Variants in MDGA2 observed in about 807,000 individuals in gnomAD.
MDGA2 encodes the protein MAM domain-containing glycosylphosphatidylinositol anchor protein 2.
In MDGA2, 40 loss-of-function variants were observed where a neutral mutation model predicts 117.8. That is an observed-to-expected ratio of 0.34 (90% CI 0.26 to 0.44). The LOEUF is 0.44. Ranked by LOEUF, MDGA2 falls within the 20% of genes least tolerant of loss-of-function variation. The probability of loss-of-function intolerance (pLI) is 1.00; values close to 1 mark genes in which losing one functional copy is unlikely to be tolerated. For synonymous variants in MDGA2, 452 were observed against 439.0 expected, an observed-to-expected ratio of 1.03 and a Z score of -0.37; for missense variants, 1,123 against 1,250.6, an observed-to-expected ratio of 0.90 and a Z score of 1.54.
intron 2 of MDGA2, among the ~76,000 whole-genome samples, chr14:47,273,044 G>T (rs1888198543): frequency 6.6e-6 from 1 of 152,022 alleles, no homozygotes; most frequent in African/African-American, 2.4e-5. Context: ...GCTGGCCACG[G>T]GTTGGATCTC....
chr14:47,005,856 T>C (rs1006924506), intron 8 of MDGA2, among the ~76,000 whole-genome samples: 3 of 151,704 alleles, frequency 2.0e-5, no homozygotes, highest in Non-Finnish European at 4.4e-5. Context: ...GTATGTTTTA[T>C]AAGCCACGTG....
intron 1 of MDGA2, among the ~76,000 whole-genome samples, chr14:47,566,241 T>C (rs1895916718): frequency 6.6e-6 from 1 of 152,170 alleles, no homozygotes; most frequent in Non-Finnish European, 1.5e-5. Context: ...TGGTAAGGTA[T>C]GGTCTGCTAG....
chr14:47,159,849 A>G (rs1407380948), intron 3 of MDGA2, among the ~76,000 whole-genome samples: 1 of 151,650 alleles, frequency 6.6e-6, no homozygotes, highest in Non-Finnish European at 1.5e-5. Context: ...TATTATGGAG[A>G]ATCTTTTGGT....
rs1594996353 is a variant in MDGA2 at position 46,854,966 on chromosome 14, C to T, written c.2883+58G>A. ...TCATATTTTAATATTTGCTCAAGAT[C>T]CACCTTTAATATTATGCTCATTTAC... On this transcript the variant is annotated intron_variant, in intron 15 of 16. Coordinates refer to ENST00000399232, the MANE Select transcript of MDGA2 (RefSeq NM_001113498.3). 13 of 1,369,348 alleles carry T rather than the reference C, an allele frequency of 9.5e-6. No homozygotes were observed. In the East Asian group the frequency reaches 3.0e-4, roughly 32 times the overall value. The allele number at this position is 1,369,348 out of a possible 1,614,324, so 84.8% of individuals were successfully genotyped here. A position where few individuals can be genotyped will look rare whatever the true frequency, so the allele number is the denominator to read the frequency against.
intron 2 of MDGA2, among the ~76,000 whole-genome samples, chr14:47,226,929 C>CT (rs34128764): frequency 6.6e-6 from 1 of 152,056 alleles, no homozygotes; most frequent in Non-Finnish European, 1.5e-5. Flanking sequence ...AAAGTTCTCC[C>CT]TTTTTCCTTC....
At chr14:47,211,105 A>G (rs1273270033) in intron 3 of MDGA2, among the ~76,000 whole-genome samples, 1 of 152,184 alleles carries the variant, frequency 6.6e-6, no homozygotes, top group Non-Finnish European at 1.5e-5. Flanking sequence ...ATTATGACAT[A>G]ATTAACAGTC....
At chr14:46,858,915 C>A (rs1364029985) in intron 14 of MDGA2, among the ~76,000 whole-genome samples, 3 of 152,124 alleles carry the variant, frequency 2.0e-5, no homozygotes, top group Admixed American at 1.3e-4. Flanking sequence ...CAGCTGTAAT[C>A]TTTCTCAGAA....
intron 1 of MDGA2, among the ~76,000 whole-genome samples, chr14:47,671,617 T>C (rs937584901): frequency 1.1e-4 from 16 of 152,236 alleles, no homozygotes; most frequent in African/African-American, 3.9e-4. Flanking sequence ...ACTTTGTGTG[T>C]AGTATGAATG....
intron 2 of MDGA2, among the ~76,000 whole-genome samples, chr14:47,220,147 C>A (rs61995422): frequency 0.19 from 29,550 of 152,030 alleles, 2,989 homozygotes; most frequent in Middle Eastern, 0.23. Context: ...GAAATAAATA[C>A]TGAAATAAAA....
intron 9 of MDGA2, among the ~76,000 whole-genome samples, chr14:46,952,039 T>C (rs775423477): frequency 3.2e-4 from 48 of 151,932 alleles, no homozygotes; most frequent in Non-Finnish European, 6.5e-4. Flanking sequence ...ACAATAGTAA[T>C]GGTGCATAGT....
chr14:47,093,016 A>G (rs776514354), intron 6 of MDGA2, among the ~76,000 whole-genome samples: 2 of 152,056 alleles, frequency 1.3e-5, no homozygotes, highest in Non-Finnish European at 2.9e-5. Flanking sequence ...GAAGCTTTAT[A>G]TAGAGAAGAT....
In MDGA2 at chr14:46,843,262, C is replaced by A. The variant is rs376021736; in HGVS notation, c.2990-1243G>T. 1.3e-3 allele frequency among the ~76,000 whole-genome samples: 195 copies of A among 152,228 alleles called. 2 individuals are homozygous for A. Among genetic ancestry groups the A allele is most frequent in the African/African-American group, 4.5e-3 (186 of 41,564 alleles). ...TTTTATCAGTTATGCTTTCTTTCTGCACTAGGGAGTAAATAATTTCCTTTG... is the reference window on the plus strand; with the variant it reads ...TTTTATCAGTTATGCTTTCTTTCTGAACTAGGGAGTAAATAATTTCCTTTG... On this transcript the variant is annotated intron_variant, in intron 16 of 16. Transcript: ENST00000399232.
At chr14:46,920,869 A>G (rs1027698463) in intron 9 of MDGA2, among the ~76,000 whole-genome samples, 10 of 152,216 alleles carry the variant, frequency 6.6e-5, no homozygotes, top group African/African-American at 2.2e-4. Flanking sequence ...AATAAAGTGA[A>G]CTTAATAAAA....
chr14:46,851,541 A>G (rs559092394), intron 15 of MDGA2, among the ~76,000 whole-genome samples: 4 of 152,062 alleles, frequency 2.6e-5, no homozygotes, highest in African/African-American at 9.6e-5. Context: ...TTTTCAGCTA[A>G]GCAAACTAAT....
At chr14:47,067,438 TG>T (rs1309460355) in intron 6 of MDGA2, among the ~76,000 whole-genome samples, 8 of 152,150 alleles carry the variant, frequency 5.3e-5, no homozygotes, top group Admixed American at 2.0e-4. Context: ...ATCAGCAAGG[TG>T]TGACTCTCTA....
At chr14:47,418,334 C>T (rs924938042) in intron 1 of MDGA2, among the ~76,000 whole-genome samples, 2 of 152,044 alleles carry the variant, frequency 1.3e-5, no homozygotes, top group African/African-American at 2.4e-5. Flanking sequence ...GATCTGCCCG[C>T]CTTGGCCTCC....
At chr14:47,298,016 G>A (rs1429135107) in intron 2 of MDGA2, among the ~76,000 whole-genome samples, 1 of 151,866 alleles carries the variant, frequency 6.6e-6, no homozygotes, top group African/African-American at 2.4e-5. Context: ...ATGAATATGT[G>A]TATATATACA....
chr14:47,012,809 AT>A (rs1426131578), intron 8 of MDGA2, among the ~76,000 whole-genome samples: 2 of 152,122 alleles, frequency 1.3e-5, no homozygotes, highest in African/African-American at 4.8e-5. Context: ...CAATAAGCAA[AT>A]ATTGCAGAAG....
chr14:47,173,419 A>T (rs866416530), intron 3 of MDGA2, among the ~76,000 whole-genome samples: 2 of 152,244 alleles, frequency 1.3e-5, no homozygotes, highest in Admixed American at 6.5e-5. Context: ...GTTACCCACA[A>T]AGGGAAGCAC....
Sources: gnomAD v4.1 joint callset for allele counts (sites outside exome capture counted in the v4.1 genomes callset) on GRCh38, gnomAD v4.1.1 for gene constraint, MANE v1.5 for transcripts, NCBI Gene and HGNC (gene_info 2026-07-23, HGNC 2026-07-21) for gene names.